The following AFF2 variants were observed in gnomAD, a reference collection of about 807,000 sequenced individuals.
The protein encoded by AFF2 is AF4/FMR2 family member 2.
AFF2 carries 14 observed loss-of-function variants against 76.9 expected under a neutral mutation model. That is an observed-to-expected ratio of 0.18 (90% CI 0.12 to 0.28). AFF2 has a LOEUF of 0.28. Among genes scored for constraint, AFF2 ranks in the 10% least tolerant of loss-of-function variants. The probability of loss-of-function intolerance (pLI) is 1.00; values close to 1 mark genes in which losing one functional copy is unlikely to be tolerated. For missense variants in AFF2, 868 were observed against 1,001.1 expected (o/e 0.87, Z 1.79); for synonymous variants, 398 against 366.7 (o/e 1.09, Z -0.98).
intron 20 of AFF2, among the ~76,000 whole-genome samples, 171 bp from the exon 21 acceptor site, chrX:148,991,040 T>G (rs1413099626): frequency 8.9e-6 from 1 of 112,297 alleles, no homozygotes; most frequent in Non-Finnish European, 1.9e-5. Flanking sequence ...TGTGGAGTTT[T>G]GGTCTCCTAG....
chrX:148,875,167 T>G, intron 7 of AFF2, among the ~76,000 whole-genome samples: 1 of 112,162 alleles, frequency 8.9e-6, no homozygotes, highest in Non-Finnish European at 1.9e-5. Flanking sequence ...ATACTGTTAC[T>G]TAGGGAAAAT....
chrX:148,780,247 G>A (rs1360236792), intron 3 of AFF2, among the ~76,000 whole-genome samples: 4 of 111,555 alleles, frequency 3.6e-5, no homozygotes, highest in Admixed American at 9.5e-5. Context: ...TTCTCAAGGA[G>A]TATCTTAGCA....
chrX:148,530,692 G>T (rs147745524), intron 1 of AFF2, among the ~76,000 whole-genome samples: 1 of 110,649 alleles, frequency 9.0e-6, no homozygotes, highest in Non-Finnish European at 1.9e-5. Context: ...TTTCATTCTC[G>T]AATTTTTTAA....
At chrX:148,957,525 C>A (rs782406481) in intron 11 of AFF2, among the ~76,000 whole-genome samples, 104 of 111,757 alleles carry the variant, frequency 9.3e-4, no homozygotes, top group African/African-American at 3.3e-3. Flanking sequence ...TCTAAAAATC[C>A]AAAATCCAAA....
chrX:148,766,697 C>T lies in AFF2; in HGVS notation c.1042-43179C>T, dbSNP rs187002053. Among the ~76,000 whole-genome samples, 4 of 110,823 alleles carry T rather than the reference C, an allele frequency of 3.6e-5. No individual in the cohort carries two copies. The East Asian group carries it at 1.1e-3, about 32-fold the overall frequency. On this transcript the variant is annotated intron_variant, in intron 3 of 20. Coordinates refer to ENST00000370460, the MANE Select transcript of AFF2 (RefSeq NM_002025.4). ...GGTAGTTTCTTTTGCTGTGCAGAAG[C>T]TCTTTAGTTTAATTAGATCCCATTT...
chrX:148,817,585 A>G lies in AFF2; in HGVS notation c.1086+7665A>G, dbSNP rs2070281424. On this transcript the variant is annotated intron_variant, in intron 4 of 20. Coordinates refer to ENST00000370460, the MANE Select transcript of AFF2 (RefSeq NM_002025.4). ...TATAACTTTTACACGACATAGAACA[A>G]AAAGAAAAATTTGCAAAGTACTTTT... 4.5e-5 allele frequency among the ~76,000 whole-genome samples: 5 copies of G among 112,353 alleles called. No homozygotes were observed. The South Asian group carries it at 1.8e-3, about 41-fold the overall frequency.
At chrX:148,936,770 G>A (rs1253565333) in intron 9 of AFF2, among the ~76,000 whole-genome samples, 5 of 112,462 alleles carry the variant, frequency 4.4e-5, no homozygotes, top group African/African-American at 1.6e-4. Flanking sequence ...GGAGTTGAGG[G>A]TAGGAGTAAT....
At chrX:148,554,833 G>C (rs1284948095) in intron 1 of AFF2, among the ~76,000 whole-genome samples, 3 of 112,358 alleles carry the variant, frequency 2.7e-5, no homozygotes, top group Non-Finnish European at 5.6e-5. Flanking sequence ...ATGTTCAATA[G>C]ATGTGTGTTG....
chrX:148,734,864 C>T (rs1209711127), intron 3 of AFF2, among the ~76,000 whole-genome samples: 1 of 111,601 alleles, frequency 9.0e-6, no homozygotes, highest in Non-Finnish European at 1.9e-5. Context: ...ACTGGAAGAA[C>T]ACTGAAAGAT....
intron 3 of AFF2, among the ~76,000 whole-genome samples, chrX:148,683,440 G>A (rs2124492791): frequency 8.9e-6 from 1 of 112,083 alleles, no homozygotes; most frequent in South Asian, 3.7e-4. Context: ...AAAATACCAT[G>A]TTTTGAGCTC....
At chrX:148,975,818 C>T (rs911936546) in intron 16 of AFF2, among the ~76,000 whole-genome samples, 2 of 97,993 alleles carry the variant, frequency 2.0e-5, no homozygotes, top group Non-Finnish European at 4.2e-5. Flanking sequence ...GTGGCGGGCG[C>T]CTGTAGTCCC....
intron 3 of AFF2, among the ~76,000 whole-genome samples, chrX:148,706,093 T>C (rs921669353): frequency 8.0e-5 from 9 of 112,193 alleles, no homozygotes; most frequent in African/African-American, 2.6e-4. Flanking sequence ...CCTTAACTTA[T>C]TTATTCTAGC....
chrX:148,969,917 T>C (rs782768275), intron 15 of AFF2, among the ~76,000 whole-genome samples: 1 of 111,515 alleles, frequency 9.0e-6, no homozygotes, highest in Admixed American at 9.5e-5. Context: ...GGGGCATAAC[T>C]TGGCTATTAA....
intron 3 of AFF2, among the ~76,000 whole-genome samples, chrX:148,792,144 C>T (rs997642260): frequency 2.7e-5 from 3 of 111,696 alleles, no homozygotes; most frequent in Non-Finnish European, 5.6e-5. Flanking sequence ...GGGAAAATTA[C>T]TGAGCCTCTA....
chrX:148,927,928 A>G (rs189900894), intron 9 of AFF2, among the ~76,000 whole-genome samples: 8 of 112,357 alleles, frequency 7.1e-5, no homozygotes, highest in Non-Finnish European at 9.4e-5. Flanking sequence ...AAATGAATGC[A>G]AAGATGATCA....
chrX:148,501,475 C>G (rs782303901), intron 1 of AFF2, among the ~76,000 whole-genome samples: 14 of 113,146 alleles, frequency 1.2e-4, no homozygotes, highest in East Asian at 5.7e-4. Flanking sequence ...AGCGGCTTGC[C>G]GGTCTGGCCT....
intron 3 of AFF2, among the ~76,000 whole-genome samples, chrX:148,718,383 T>C (rs1557263538): frequency 1.8e-5 from 2 of 110,960 alleles, no homozygotes; most frequent in African/African-American, 6.6e-5. Context: ...GAGGCAATGA[T>C]GTGAACTGGG....
rs369921634 is a variant in AFF2, at chrX:148,805,692, T to C, written c.1042-4184T>C. Reference sequence around the variant, plus strand: ...AAGGTACCCTGATTATTTCATAAGATATGTATTTATCACCAGGCAGATAAT... The same window carrying C: ...AAGGTACCCTGATTATTTCATAAGACATGTATTTATCACCAGGCAGATAAT... On this transcript the variant is annotated intron_variant, in intron 3 of 20. Coordinates refer to ENST00000370460, the MANE Select transcript of AFF2 (RefSeq NM_002025.4). 7.1e-5 allele frequency among the ~76,000 whole-genome samples: 8 copies of C among 112,916 alleles called. No individual in the cohort carries two copies. The East Asian group carries it at 2.2e-3, about 32-fold the overall frequency.
intron 1 of AFF2, among the ~76,000 whole-genome samples, chrX:148,540,997 G>A (rs926857979): frequency 2.7e-5 from 3 of 112,116 alleles, no homozygotes; most frequent in East Asian, 5.6e-4. Flanking sequence ...TTTCAGCTAC[G>A]CCAGATGCCT....
Sources: allele counts gnomAD v4.1 joint callset (sites outside exome capture counted in the v4.1 genomes callset), GRCh38; gene constraint gnomAD v4.1.1; transcripts MANE v1.5; gene names NCBI Gene and HGNC (gene_info 2026-07-23, HGNC 2026-07-21).